Variants in PPP2R2B observed in about 807,000 individuals in gnomAD.
The protein encoded by PPP2R2B is serine/threonine-protein phosphatase 2A 55 kDa regulatory subunit B beta isoform.
PPP2R2B carries 5 observed loss-of-function variants against 46.0 expected under a neutral mutation model. That is an observed-to-expected ratio of 0.11 (90% CI 0.06 to 0.23). The LOEUF is 0.23. PPP2R2B is among the 10% of genes least tolerant of loss of function. The probability of loss-of-function intolerance (pLI) is 1.00; values close to 1 mark genes in which losing one functional copy is unlikely to be tolerated. For missense variants in PPP2R2B, 367 were observed against 575.0 expected (o/e 0.64, Z 3.70); for synonymous variants, 215 against 206.7 (o/e 1.04, Z -0.34).
intron 2 of PPP2R2B, among the ~76,000 whole-genome samples, chr5:146,792,489 G>A (rs1756261893): frequency 6.6e-6 from 1 of 152,220 alleles, no homozygotes; most frequent in African/African-American, 2.4e-5. Context: ...TTGGAACACA[G>A]ATTCTGGTGG....
At chr5:147,030,701 T>A (rs905835453) in intron 1 of PPP2R2B, among the ~76,000 whole-genome samples, 3 of 152,194 alleles carry the variant, frequency 2.0e-5, no homozygotes, top group Non-Finnish European at 2.9e-5. Context: ...AAAGTCTAAT[T>A]TATATTAGCT....
At chr5:146,930,587 G>T (rs188686965) in intron 1 of PPP2R2B, among the ~76,000 whole-genome samples, 16 of 152,108 alleles carry the variant, frequency 1.1e-4, no homozygotes, top group Admixed American at 3.3e-4. Flanking sequence ...GGCTTCCCAG[G>T]TTAAGGTGGT....
intron 2 of PPP2R2B, among the ~76,000 whole-genome samples, chr5:147,063,650 A>G (rs1261412964): frequency 6.6e-6 from 1 of 152,212 alleles, no homozygotes; most frequent in Admixed American, 6.5e-5. Context: ...TAATTAAATC[A>G]TGAATATTAT....
intron 2 of PPP2R2B, among the ~76,000 whole-genome samples, chr5:146,715,107 AGAGTG>A (rs1477442028): frequency 1.3e-5 from 2 of 152,146 alleles, no homozygotes; most frequent in African/African-American, 4.8e-5. Context: ...CAAGTCTGTC[AGAGTG>A]GGGAAAAAAA....
In PPP2R2B at chr5:146,953,707, T is replaced by C. The variant is rs528615944; in HGVS notation, c.79+101958A>G. 3.9e-5 allele frequency among the ~76,000 whole-genome samples: 6 copies of C among 152,272 alleles called. No homozygotes were observed. The South Asian group carries it at 1.0e-3, about 26-fold the overall frequency. ...TTAAACATTGCACTGAGCCCTTCAA[T>C]AAACACAATCTCCATTAATTTTATA... On this transcript the variant is annotated intron_variant, in intron 1 of 8. Transcript: ENST00000336640.
intron 2 of PPP2R2B, among the ~76,000 whole-genome samples, chr5:146,875,360 A>C (rs1156909543): frequency 1.3e-5 from 2 of 152,174 alleles, no homozygotes; most frequent in African/African-American, 2.4e-5. Flanking sequence ...TTTATTTATT[A>C]AATGCACACC....
At chr5:146,870,048 C>A (rs1227053965) in intron 2 of PPP2R2B, among the ~76,000 whole-genome samples, 1 of 152,182 alleles carries the variant, frequency 6.6e-6, no homozygotes, top group African/African-American at 2.4e-5. Context: ...ACATTTACAG[C>A]TTTGCCACCC....
chr5:146,852,161 G>T (rs1760389142), intron 2 of PPP2R2B, among the ~76,000 whole-genome samples: 1 of 151,998 alleles, frequency 6.6e-6, no homozygotes, highest in African/African-American at 2.4e-5. Flanking sequence ...ATTCCATTTT[G>T]ATTAAGGCTG....
chr5:146,816,249 T>C (rs370964606), intron 2 of PPP2R2B, among the ~76,000 whole-genome samples: 6 of 151,998 alleles, frequency 3.9e-5, no homozygotes, highest in Non-Finnish European at 8.8e-5. Flanking sequence ...ACAAAAAAAT[T>C]AAAAAATTGG....
At chr5:146,967,535 C>A (rs575079401) in intron 1 of PPP2R2B, among the ~76,000 whole-genome samples, 1 of 152,236 alleles carries the variant, frequency 6.6e-6, no homozygotes, top group Admixed American at 6.5e-5. Context: ...TGGTTTGAAC[C>A]TAGGCAGGCA....
At chr5:146,653,446 T>C (rs985401142) in intron 5 of PPP2R2B, among the ~76,000 whole-genome samples, 1 of 152,182 alleles carries the variant, frequency 6.6e-6, no homozygotes, top group Non-Finnish European at 1.5e-5. Flanking sequence ...CATGCTTTTA[T>C]AGTTTGTCAC....
intron 2 of PPP2R2B, chr5:146,707,018 C>T (rs1779906100): frequency 9.7e-7 from 1 of 1,026,154 alleles, no homozygotes; most frequent in South Asian, 1.3e-5. Flanking sequence ...TCATCCACAT[C>T]CTTCTTGATG....
chr5:146,793,686 G>T (rs527715116), intron 2 of PPP2R2B, among the ~76,000 whole-genome samples: 15 of 152,242 alleles, frequency 9.9e-5, no homozygotes, highest in African/African-American at 3.6e-4. Flanking sequence ...CTGTGTTCCT[G>T]TCACCCAATA....
At chr5:146,705,191 T>A (rs148117840) in intron 2 of PPP2R2B, among the ~76,000 whole-genome samples, 47 of 152,180 alleles carry the variant, frequency 3.1e-4, no homozygotes, top group Non-Finnish European at 5.9e-4. Flanking sequence ...CTAAGAAACA[T>A]TTGGTAGATA....
At chr5:146,855,272 C>A (rs1335245869) in intron 2 of PPP2R2B, among the ~76,000 whole-genome samples, 1 of 152,150 alleles carries the variant, frequency 6.6e-6, no homozygotes, top group Non-Finnish European at 1.5e-5. Context: ...AAGAGCTGAA[C>A]TCTACCTCAC....
chr5:146,770,897 C>A lies in PPP2R2B; in HGVS notation c.71-69755G>T, dbSNP rs918508060. 2.0e-5 allele frequency among the ~76,000 whole-genome samples: 3 copies of A among 152,136 alleles called. No homozygotes were observed. In the East Asian group the frequency reaches 5.8e-4, roughly 29 times the overall value. On this transcript the variant is annotated intron_variant, in intron 2 of 9. Transcript: ENST00000394411. ...ACCAAATTTAGTTTACAGAGAACAA[C>A]CTATTTACTTTCTCAAAAGAAAACA...
chr5:147,065,108 T>C (rs1050433788), intron 2 of PPP2R2B, among the ~76,000 whole-genome samples: 6 of 152,196 alleles, frequency 3.9e-5, no homozygotes, highest in African/African-American at 1.4e-4. Flanking sequence ...TTAGATATAA[T>C]CCTGTCTTCA....
At chr5:146,617,223 G>A (rs936369828) in intron 7 of PPP2R2B, among the ~76,000 whole-genome samples, 9 of 152,142 alleles carry the variant, frequency 5.9e-5, no homozygotes, top group African/African-American at 2.2e-4. Context: ...ACCAGAGGTT[G>A]GGGGGCAGGG....
intron 9 of PPP2R2B, 38 bp downstream of exon 9, chr5:146,592,933 A>G (rs77148477): frequency 0.022 from 35,042 of 1,558,156 alleles, 507 homozygotes; most frequent in African/African-American, 0.057. Context: ...CTTCAAGACA[A>G]TCTTTGGAAG....
Sources: allele counts gnomAD v4.1 joint callset (sites outside exome capture counted in the v4.1 genomes callset), GRCh38; gene constraint gnomAD v4.1.1; transcripts MANE v1.5; gene names NCBI Gene and HGNC (gene_info 2026-07-23, HGNC 2026-07-21).